DMRTA1: variants seen among roughly 807,000 people sequenced by gnomAD.
DMRTA1 encodes doublesex- and mab-3-related transcription factor A1.
DMRTA1 carries 34 observed loss-of-function variants against 35.2 expected under a neutral mutation model. That is an observed-to-expected ratio of 0.97 (90% CI 0.74 to 1.29). The LOEUF (loss-of-function observed/expected upper bound fraction) is 1.29, where lower values mean the gene tolerates loss of function less well. Among genes scored for constraint, DMRTA1 ranks in the 50% most tolerant of loss-of-function variants. The probability of loss-of-function intolerance (pLI) is 0.00; values close to 1 mark genes in which losing one functional copy is unlikely to be tolerated. For missense variants in DMRTA1, 824 were observed against 644.6 expected, an observed-to-expected ratio of 1.28 and a Z score of -3.01; for synonymous variants, 344 against 276.6, an observed-to-expected ratio of 1.24 and a Z score of -2.42.
intron 1 of DMRTA1, among the ~76,000 whole-genome samples, chr9:22,448,987 A>T (rs1160269731): frequency 2.6e-5 from 4 of 152,230 alleles, no homozygotes; most frequent in Non-Finnish European, 5.9e-5. Flanking sequence ...CTGAAACTAC[A>T]CCGATAGTGA....
Position 22,447,462 on chromosome 9 carries a change from C to T in DMRTA1, c.397C>T (p.Gln133Ter). Residue 133 changes from glutamine to a stop codon, truncating the protein, a stop_gained, in exon 1 of 2, where the codon CAG becomes TAG. Transcript: ENST00000325870. LOFTEE classifies it high-confidence loss of function. ...CAAGTGCACCCTGATCGCCGAGCGC[C>T]AGCGCGTCATGGCCGCCCAGGTGGC... ...CAKCTLIAER[Q>*]RVMAAQVALR... is the part of the protein sequence containing the mutation. The T allele has an allele frequency of 1.3e-6, 2 of 1,554,456 alleles. No homozygotes were observed.
chr9:22,452,773 T>C lies in DMRTA1; in HGVS notation c.*862T>C, dbSNP rs1818951626. ...CATCTACTGTGGATGAGAGTTGCAG[T>C]CTTTAAGTGTGCTTATGTCTGTATC... On this transcript the variant is annotated 3_prime_UTR_variant, in exon 2 of 2. Coordinates refer to ENST00000325870, the MANE Select transcript of DMRTA1 (RefSeq NM_022160.3). 6.6e-6 allele frequency: 1 copy of C among 152,132 alleles called. No individual in the cohort carries two copies. The highest frequency in any genetic ancestry group is 1.5e-5 in the Non-Finnish European group (1 of 67,982). 9.4% of individuals were successfully genotyped at this position (152,132 alleles called of 1,614,324 possible). A position where few individuals can be genotyped will look rare whatever the true frequency, so the allele number is the denominator to read the frequency against.
At chr9:22,450,211 G>C (rs1454082993) in intron 1 of DMRTA1, among the ~76,000 whole-genome samples, 1 of 152,126 alleles carries the variant, frequency 6.6e-6, no homozygotes, top group Non-Finnish European at 1.5e-5. Flanking sequence ...TTGGAGGAGG[G>C]CTGTGATTTA....
rs1344042585 is a variant in DMRTA1, at chr9:22,453,174, G to A, written c.*1263G>A. 1 of 152,000 alleles carries A rather than the reference G, an allele frequency of 6.6e-6. No individual in the cohort carries two copies. Among genetic ancestry groups the A allele is most frequent in the African/African-American group, 2.4e-5 (1 of 41,406 alleles). 9.4% of individuals were successfully genotyped at this position (152,000 alleles called of 1,614,324 possible). On this transcript the variant is annotated 3_prime_UTR_variant, in exon 2 of 2. Coordinates refer to ENST00000325870, the MANE Select transcript of DMRTA1 (RefSeq NM_022160.3). ...TTCATTGTTATTATTAGGAATAAAT[G>A]GAAGCCCACTGGTGGTAAAAGATAG...
chr9:22,447,271 C>G lies in DMRTA1; in HGVS notation c.206C>G (p.Ser69Trp). ...AAAAAAAAAT[S>W]GSGGCPPAPG... ...GCCGCCGCCGCCGCTGCCGCCACCT[C>G]GGGAAGCGGAGGCTGCCCGCCGGCT... The change falls in exon 1 of 2, where the codon TCG (serine) becomes TGG (tryptophan). Residue 69 changes from serine to tryptophan, a missense_variant. Coordinates refer to ENST00000325870, the MANE Select transcript of DMRTA1 (RefSeq NM_022160.3). 6.6e-7 allele frequency: 1 copy of G among 1,505,802 alleles called. No individual in the cohort carries two copies. Among genetic ancestry groups the G allele is most frequent in the Non-Finnish European group, 8.8e-7 (1 of 1,133,772 alleles). The allele number at this position is 1,505,802 out of a possible 1,614,324, so 93.3% of individuals were successfully genotyped here.
In DMRTA1 at chr9:22,447,267, A is replaced by T. The variant is rs1426112707; in HGVS notation, c.202A>T (p.Thr68Ser). ...AAAAAAAAAA[T>S]SGSGGCPPAP... ...CGCGGCCGCCGCCGCCGCTGCCGCC[A>T]CCTCGGGAAGCGGAGGCTGCCCGCC... The change falls in exon 1 of 2, where the codon ACC (threonine) becomes TCC (serine). Residue 68 changes from threonine to serine, a missense_variant. Thr to Ser is a moderately conservative substitution (Grantham distance 58, BLOSUM62 1). Coordinates refer to ENST00000325870, the MANE Select transcript of DMRTA1 (RefSeq NM_022160.3). 6.6e-7 allele frequency: 1 copy of T among 1,504,522 alleles called. No homozygotes were observed. 93.2% of individuals were successfully genotyped at this position (1,504,522 alleles called of 1,614,324 possible).
At position 22,451,636 on chromosome 9, in the gene DMRTA1, A is replaced by G. The variant is rs1230512739; in HGVS notation, c.1240A>G (p.Thr414Ala). The stretch of plus-strand genomic sequence containing the variant: ...TAAATCAGCTTTCTCTCCTCTTCAA[A>G]CTACTTCTGCTTCTTATGGAGGTGA... Reference protein sequence around the residue: ...GNKSAFSPLQTTSASYGGDSS... With the variant: ...GNKSAFSPLQATSASYGGDSS... Residue 414 changes from threonine to alanine, a missense_variant, in exon 2 of 2, where the codon ACT becomes GCT. Coordinates refer to ENST00000325870, the MANE Select transcript of DMRTA1 (RefSeq NM_022160.3). 1.9e-6 allele frequency: 3 copies of G among 1,613,954 alleles called. No individual in the cohort carries two copies. The highest frequency in any genetic ancestry group is 2.5e-6 in the Non-Finnish European group (3 of 1,179,960).
Position 22,447,618 on chromosome 9 carries a change from A to G in DMRTA1, c.553A>G (p.Thr185Ala). 1 of 1,610,722 alleles carries G rather than the reference A, an allele frequency of 6.2e-7. No homozygotes were observed. Residue 185 changes from threonine (T) to alanine (A), a missense_variant, in exon 1 of 2, where the codon ACG becomes GCG. Transcript: ENST00000325870. Reference sequence around the variant, plus strand: ...CGGCAGAGCCGAGAATCCACAGTCCACGGGCGGCCCTGCGGCGGGGGCTGC... The same window carrying G: ...CGGCAGAGCCGAGAATCCACAGTCCGCGGGCGGCCCTGCGGCGGGGGCTGC... ...GGGRAENPQS[T>A]GGPAAGAALG...
At position 22,451,675 on chromosome 9, in the gene DMRTA1, G is replaced by A. The variant is rs140472352; in HGVS notation, c.1279G>A (p.Gly427Ser). The A allele has an allele frequency of 2.4e-4, 395 of 1,614,010 alleles. No homozygotes were observed. The highest frequency in any genetic ancestry group is 3.7e-4 in the Admixed American group (22 of 60,008). ...TTATGGAGGTGATTCAAGTCTCTAC[G>A]GCGTAAATCCTAGAGTAGGTATCAG... Reference protein sequence around the residue: ...ASYGGDSSLYGVNPRVGISPL... With the variant: ...ASYGGDSSLYSVNPRVGISPL... The change falls in exon 2 of 2, where the codon GGC becomes AGC. Residue 427 changes from glycine to serine, a missense_variant. Physicochemically the swap from Gly to Ser is moderately conservative, Grantham distance 56. Transcript: ENST00000325870.
chr9:22,453,849 A>G lies in DMRTA1; in HGVS notation c.*1938A>G, dbSNP rs1818968196. Reference sequence around the variant, plus strand: ...TTTTCTGAAAAGTGCTAGATCCTGTAGAGGATACTGAATGTAAAATATTGT... The same window carrying G: ...TTTTCTGAAAAGTGCTAGATCCTGTGGAGGATACTGAATGTAAAATATTGT... On this transcript the variant is annotated 3_prime_UTR_variant, in exon 2 of 2. Coordinates refer to ENST00000325870, the MANE Select transcript of DMRTA1 (RefSeq NM_022160.3). 1 of 152,074 alleles carries G rather than the reference A, an allele frequency of 6.6e-6. No individual in the cohort carries two copies. Among genetic ancestry groups the G allele is most frequent in the South Asian group, 2.1e-4 (1 of 4,834 alleles). The allele number at this position is 152,074 out of a possible 1,614,324, so 9.4% of individuals were successfully genotyped here. A position where few individuals can be genotyped will look rare whatever the true frequency, so the allele number is the denominator to read the frequency against.
rs2117949341 is a variant in DMRTA1 at position 22,447,506 on chromosome 9, G to T, written c.441G>T (p.Ala147=). The T allele has an allele frequency of 6.4e-7, 1 of 1,567,664 alleles. No individual in the cohort carries two copies. The highest frequency in any genetic ancestry group is 1.1e-5 in the South Asian group (1 of 86,984). ...AGGTGGCGCTGCGCAGGCAGCAGGC[G>T]CAGGAGGAGAGCGAAGCCCGGGGGC... ...AAQVALRRQQ[A]QEESEARGLQ... is the part of the protein sequence containing the mutation. Residue 147 remains alanine, a synonymous_variant, in exon 1 of 2, where the codon GCG becomes GCT. Transcript: ENST00000325870.
chr9:22,449,694 A>G (rs1818894885), intron 1 of DMRTA1, among the ~76,000 whole-genome samples: 1 of 152,148 alleles, frequency 6.6e-6, no homozygotes, highest in Non-Finnish European at 1.5e-5. Flanking sequence ...TGAAAATCCT[A>G]TAGAGTGTTT....
Position 22,451,294 on chromosome 9 carries a change from C to T in DMRTA1, c.898C>T (p.Leu300=), listed in dbSNP as rs745339156. ...ESPRSLSSSD[L]ESGNESEWVK... ...TCCCAGGTCCTTATCATCCTCTGAT[C>T]TGGAATCAGGAAATGAAAGTGAATG... The change falls in exon 2 of 2, where the codon CTG becomes TTG. Residue 300 remains leucine (L), a synonymous_variant. Transcript: ENST00000325870. 3 of 1,614,104 alleles carry T rather than the reference C, an allele frequency of 1.9e-6. No individual in the cohort carries two copies. The highest frequency in any genetic ancestry group is 1.7e-5 in the Admixed American group (1 of 60,020).
At position 22,451,737 on chromosome 9, in the gene DMRTA1, G is replaced by T. The variant is rs773907825; in HGVS notation, c.1341G>T (p.Gly447=). 5.0e-6 allele frequency: 8 copies of T among 1,613,942 alleles called. No homozygotes were observed. The East Asian group carries it at 1.1e-4, about 22-fold the overall frequency. Residue 447 remains glycine (G), a synonymous_variant, in exon 2 of 2, where the codon GGG becomes GGT. Coordinates refer to ENST00000325870, the MANE Select transcript of DMRTA1 (RefSeq NM_022160.3). ...LRLAYSSAGR[G]LSGFMSPYLT... is the part of the protein sequence containing the mutation. ...TGGCATATTCTTCTGCAGGAAGAGGGTTATCTGGTTTTATGTCACCCTACC... is the reference window on the plus strand; with the variant it reads ...TGGCATATTCTTCTGCAGGAAGAGGTTTATCTGGTTTTATGTCACCCTACC...
Position 22,446,913 on chromosome 9 carries a change from C to A in DMRTA1, c.-153C>A. 6.2e-6 allele frequency: 6 copies of A among 968,876 alleles called. No individual in the cohort carries two copies. The highest frequency in any genetic ancestry group is 8.9e-6 in the Non-Finnish European group (6 of 671,782). The allele number at this position is 968,876 out of a possible 1,614,324, so 60.0% of individuals were successfully genotyped here. On this transcript the variant is annotated 5_prime_UTR_variant, in exon 1 of 2. Coordinates refer to ENST00000325870, the MANE Select transcript of DMRTA1 (RefSeq NM_022160.3). ...CAGGACGCGGTCGTCCCAACTCCTT[C>A]CGAGTGGAAAGAGTGTAAAACTTTT...
rs1011313001 is a variant in DMRTA1 at position 22,453,474 on chromosome 9, T to C, written c.*1563T>C. ...TTAGGATGTAAATGTGTTTATTAGGTTATGCATTAATTTTAATGGTGTGAA... is the reference window on the plus strand; with the variant it reads ...TTAGGATGTAAATGTGTTTATTAGGCTATGCATTAATTTTAATGGTGTGAA... On this transcript the variant is annotated 3_prime_UTR_variant, in exon 2 of 2. Coordinates refer to ENST00000325870, the MANE Select transcript of DMRTA1 (RefSeq NM_022160.3). 1 of 152,070 alleles carries C rather than the reference T, an allele frequency of 6.6e-6. No individual in the cohort carries two copies. Among genetic ancestry groups the C allele is most frequent in the Non-Finnish European group, 1.5e-5 (1 of 67,942 alleles). The allele number at this position is 152,070 out of a possible 1,614,324, so 9.4% of individuals were successfully genotyped here. A position where few individuals can be genotyped will look rare whatever the true frequency, so the allele number is the denominator to read the frequency against.
intron 1 of DMRTA1, among the ~76,000 whole-genome samples, chr9:22,448,201 C>T (rs1156698741): frequency 6.6e-6 from 1 of 152,104 alleles, no homozygotes; most frequent in South Asian, 2.1e-4. Flanking sequence ...CTCAACCTCC[C>T]CAGGCTCAGG....
rs147279220 is a variant in DMRTA1, at chr9:22,451,871, G to C, written c.1475G>C (p.Cys492Ser). Residue 492 changes from cysteine to serine, a missense_variant, in exon 2 of 2, where the codon TGT becomes TCT. Coordinates refer to ENST00000325870, the MANE Select transcript of DMRTA1 (RefSeq NM_022160.3). ...CTTTCCAGTAAAGACTCAATAACTT[G>C]TGGCAGACTGTACTTCAGACCAAAT... ...SYLSSKDSITCGRLYFRPNQD... is the reference protein window; with the variant it reads ...SYLSSKDSITSGRLYFRPNQD... The C allele has an allele frequency of 4.0e-5, 65 of 1,613,968 alleles. No individual in the cohort carries two copies. In the African/African-American group the frequency reaches 8.4e-4, roughly 21 times the overall value.
Position 22,447,180 on chromosome 9 carries a change from T to C in DMRTA1, c.115T>C (p.Ser39Pro). Residue 39 changes from serine (S) to proline (P), a missense_variant, in exon 1 of 2, where the codon TCG (serine) becomes CCG (proline). Physicochemically the swap from Ser to Pro is moderately conservative, Grantham distance 74. Coordinates refer to ENST00000325870, the MANE Select transcript of DMRTA1 (RefSeq NM_022160.3). The part of the protein sequence containing the change: ...PPPSPALPVP[S>P]GMQVPPAFLR... ...CCCGTCCCCGGCGTTGCCGGTACCA[T>C]CGGGGATGCAGGTTCCCCCAGCGTT... 1 of 1,600,746 alleles carries C rather than the reference T, an allele frequency of 6.2e-7. No homozygotes were observed. Among genetic ancestry groups the C allele is most frequent in the Non-Finnish European group, 8.5e-7 (1 of 1,175,194 alleles).
Sources: gnomAD v4.1 joint callset for allele counts (sites outside exome capture counted in the v4.1 genomes callset) on GRCh38, gnomAD v4.1.1 for gene constraint, MANE v1.5 for transcripts, NCBI Gene and HGNC (gene_info 2026-07-23, HGNC 2026-07-21) for gene names.